UPRT: variants seen among roughly 807,000 people sequenced by gnomAD.
UPRT encodes uracil phosphoribosyltransferase homolog.
UPRT carries 5 observed loss-of-function variants against 22.6 expected under a neutral mutation model. The observed-to-expected ratio is 0.22, with a 90% confidence interval of 0.12 to 0.47. UPRT has a LOEUF of 0.47. UPRT is among the 20% of genes least tolerant of loss of function. The probability of loss-of-function intolerance (pLI) is 0.99; values close to 1 mark genes in which losing one functional copy is unlikely to be tolerated. For synonymous variants in UPRT, 77 were observed against 87.7 expected, an observed-to-expected ratio of 0.88 and a Z score of 0.68; for missense variants, 181 against 239.9, an observed-to-expected ratio of 0.75 and a Z score of 1.62.
At chrX:75,252,378 G>A (rs2082533962) in intron 4 of UPRT, among the ~76,000 whole-genome samples, 1 of 111,770 alleles carries the variant, frequency 8.9e-6, no homozygotes, top group African/African-American at 3.3e-5. Context: ...AAAAGTGAGG[G>A]AAGGACATGA....
chrX:75,162,103 T>C (rs2082201592), intron 2 of UPRT, among the ~76,000 whole-genome samples: 2 of 29,334 alleles, frequency 6.8e-5, no homozygotes, highest in Non-Finnish European at 1.9e-4. Flanking sequence ...CCTTCTTTCT[T>C]TTCTTTTTTT....
intron 1 of UPRT, among the ~76,000 whole-genome samples, chrX:75,286,751 C>T (rs1040882801): frequency 1.7e-4 from 19 of 111,734 alleles, no homozygotes; most frequent in Non-Finnish European, 2.3e-4. Flanking sequence ...AATTGGCTAC[C>T]TTTTAGTAGT....
chrX:75,188,315 G>T (rs1437528686), intron 4 of UPRT, among the ~76,000 whole-genome samples: 1 of 111,839 alleles, frequency 8.9e-6, no homozygotes, highest in African/African-American at 3.3e-5. Flanking sequence ...GCTAGGGGGT[G>T]CCTCCCAGTT....
rs1458980211 is a variant in UPRT at position 75,189,210 on chromosome X, T to A, written c.-447+21331T>A. Reference sequence around the variant, plus strand: ...TTTTTCTCATTGGTTTCAAAGAACATCTTTATTTGTGCCTTTGTTTTGTTA... The same window carrying A: ...TTTTTCTCATTGGTTTCAAAGAACAACTTTATTTGTGCCTTTGTTTTGTTA... On this transcript the variant is annotated intron_variant, in intron 4 of 13. Coordinates refer to the UPRT transcript ENST00000652605. Among the ~76,000 whole-genome samples the A allele has an allele frequency of 8.0e-5, 9 of 112,117 alleles. No individual in the cohort carries two copies. In the Admixed American group the frequency reaches 8.5e-4, roughly 11 times the overall value.
At chrX:75,256,516 G>T (rs1291136023) in intron 4 of UPRT, among the ~76,000 whole-genome samples, 1 of 108,556 alleles carries the variant, frequency 9.2e-6, no homozygotes, top group African/African-American at 3.3e-5. Flanking sequence ...ACCAAGATCA[G>T]AGCAGATCTA....
At chrX:75,228,773 T>C (rs1275589727) in intron 4 of UPRT, among the ~76,000 whole-genome samples, 1 of 111,896 alleles carries the variant, frequency 8.9e-6, no homozygotes. Flanking sequence ...TTTTAGACAT[T>C]GTACTTTCAA....
upstream of UPRT, among the ~76,000 whole-genome samples, chrX:75,270,094 G>A (rs1341546155): frequency 8.9e-6 from 1 of 111,860 alleles, no homozygotes. Flanking sequence ...AGTGGGTGAA[G>A]GATATGAACA....
chrX:75,209,695 T>C (rs890759130), intron 4 of UPRT, among the ~76,000 whole-genome samples: 6 of 112,112 alleles, frequency 5.4e-5, no homozygotes, highest in Admixed American at 1.9e-4. Flanking sequence ...ATACCACAGA[T>C]AGGGTAAGGT....
chrX:75,169,387 A>G (rs1569257422), intron 4 of UPRT, among the ~76,000 whole-genome samples: 2 of 112,199 alleles, frequency 1.8e-5, no homozygotes, highest in South Asian at 7.4e-4. Flanking sequence ...TCCCACCAGC[A>G]GTGTAGAAGT....
In UPRT at chrX:75,274,376, G is replaced by T; in HGVS notation, c.122G>T (p.Gly41Val). The part of the protein sequence containing the change: ...PGDLILDHAG[G>V]NRASRAKVIL... ...GATCTGATCCTGGACCACGCAGGGGGAAACAGAGCCTCCAGGGCCAAGGTG... is the reference window on the plus strand; with the variant it reads ...GATCTGATCCTGGACCACGCAGGGGTAAACAGAGCCTCCAGGGCCAAGGTG... The change falls in exon 1 of 7, where the codon GGA (glycine) becomes GTA (valine). Residue 41 changes from glycine to valine, a missense_variant. Coordinates refer to ENST00000373383, the MANE Select transcript of UPRT (RefSeq NM_145052.4). The T allele has an allele frequency of 1.7e-6, 2 of 1,211,514 alleles. No individual in the cohort carries two copies. Among genetic ancestry groups the T allele is most frequent in the Non-Finnish European group, 2.2e-6 (2 of 895,427 alleles).
chrX:75,216,390 AC>A (rs2082392916), intron 4 of UPRT, among the ~76,000 whole-genome samples: 1 of 112,457 alleles, frequency 8.9e-6, no homozygotes. Flanking sequence ...CACCAAATGC[AC>A]AGTTAACATC....
intron 4 of UPRT, among the ~76,000 whole-genome samples, chrX:75,263,989 C>G (rs2082577846): frequency 1.8e-5 from 2 of 111,023 alleles, no homozygotes; most frequent in African/African-American, 6.5e-5. Context: ...AGTAGTCATT[C>G]AGGAGCAGGT....
At chrX:75,279,588 CA>C (rs1254989853) in intron 1 of UPRT, among the ~76,000 whole-genome samples, 1 of 111,601 alleles carries the variant, frequency 9.0e-6, no homozygotes, top group African/African-American at 3.3e-5. Flanking sequence ...TTTTCTGTCC[CA>C]TTTTTTTGCA....
chrX:75,256,608 C>T (rs764289625), intron 4 of UPRT, among the ~76,000 whole-genome samples: 33 of 110,530 alleles, frequency 3.0e-4, no homozygotes, highest in Non-Finnish European at 5.7e-4. Flanking sequence ...TAAATAAAAT[C>T]GATAGGTCGT....
chrX:75,237,404 A>T (rs1201276089), intron 4 of UPRT, among the ~76,000 whole-genome samples: 2 of 111,868 alleles, frequency 1.8e-5, no homozygotes, highest in Non-Finnish European at 1.9e-5. Flanking sequence ...TTCCTCATGG[A>T]TCTAGAACTA....
At chrX:75,266,486 C>T (rs1367840481) in intron 4 of UPRT, among the ~76,000 whole-genome samples, 2 of 111,080 alleles carry the variant, frequency 1.8e-5, no homozygotes, top group African/African-American at 3.3e-5. Context: ...CCATAAAAAC[C>T]CTGGAAGAAA....
At chrX:75,191,106 GT>G (rs1383516235) in intron 4 of UPRT, among the ~76,000 whole-genome samples, 2 of 111,634 alleles carry the variant, frequency 1.8e-5, no homozygotes, top group East Asian at 5.6e-4. Context: ...CATCTTTGTG[GT>G]TTTATCTACC....
At chrX:75,233,023 A>C (rs970064741) in intron 4 of UPRT, among the ~76,000 whole-genome samples, 2 of 111,928 alleles carry the variant, frequency 1.8e-5, no homozygotes, top group Admixed American at 9.5e-5. Context: ...AAGGTAAAGA[A>C]GTTGAAAACT....
At chrX:75,254,794 A>C (rs2082543851) in intron 4 of UPRT, among the ~76,000 whole-genome samples, 1 of 78,441 alleles carries the variant, frequency 1.3e-5, no homozygotes, top group Non-Finnish European at 2.3e-5. Flanking sequence ...TTTGAGACGG[A>C]GTCTCGCTCT....
Sources: gnomAD v4.1 joint callset for allele counts (sites outside exome capture counted in the v4.1 genomes callset) on GRCh38, gnomAD v4.1.1 for gene constraint, MANE v1.5 for transcripts, NCBI Gene and HGNC (gene_info 2026-07-23, HGNC 2026-07-21) for gene names.